Variants in ALG13 observed in about 807,000 individuals in gnomAD.
ALG13 encodes the protein ALG13 UDP-N-acetylglucosaminyltransferase subunit.
A neutral mutation model predicts 87.8 loss-of-function variants in ALG13; 11 were observed. The ratio of observed to expected loss-of-function variants is 0.13; its 90% CI spans 0.08 to 0.21. The LOEUF (loss-of-function observed/expected upper bound fraction) is 0.21, where lower values mean the gene tolerates loss of function less well. Ranked by LOEUF, ALG13 falls within the 10% of genes least tolerant of loss-of-function variation. The pLI, the probability that ALG13 is intolerant of heterozygous loss-of-function variation, is 1.00. For synonymous variants in ALG13, 320 were observed against 306.3 expected (o/e 1.04, Z -0.47); for missense variants, 756 against 866.1 (o/e 0.87, Z 1.60).
Position 111,728,172 on chromosome X carries a change from C to T in ALG13, c.2248-13C>T. The T allele has an allele frequency of 8.3e-7, 1 of 1,209,912 alleles. No individual in the cohort carries two copies. The highest frequency in any genetic ancestry group is 1.1e-6 in the Non-Finnish European group (1 of 894,333). ...AGTGAGAACTGCAGTGTGTGTGTGT[C>T]TCTCTGATACAGAATCATGGAGGTC... On this transcript the variant is annotated splice_polypyrimidine_tract_variant and intron_variant, in intron 18 of 26. Coordinates refer to ENST00000394780, the MANE Select transcript of ALG13 (RefSeq NM_001099922.3).
chrX:111,758,499 A>G (rs1945462864), intron 26 of ALG13, among the ~76,000 whole-genome samples: 1 of 112,341 alleles, frequency 8.9e-6, no homozygotes, highest in African/African-American at 3.2e-5. Flanking sequence ...CCTTCCCACC[A>G]ATTAAAACTC....
intron 21 of ALG13, among the ~76,000 whole-genome samples, chrX:111,733,667 T>C (rs1478475531): frequency 9.0e-6 from 1 of 111,507 alleles, no homozygotes; most frequent in Non-Finnish European, 1.9e-5. Context: ...GGAGTGGGAT[T>C]GCTGGATCAG....
intron 12 of ALG13, among the ~76,000 whole-genome samples, chrX:111,722,117 A>C (rs1471814283): frequency 8.9e-6 from 1 of 112,214 alleles, no homozygotes; most frequent in African/African-American, 3.2e-5. Context: ...TTTAATTCTT[A>C]AATGGCAGAA....
At chrX:111,720,256 C>A (rs1047709302) in intron 11 of ALG13, 86 bp downstream of exon 11, 9 of 613,037 alleles carry the variant, frequency 1.5e-5, no homozygotes, top group Admixed American at 7.9e-5. Context: ...ATATTATATT[C>A]TAGTTATATG....
chrX:111,728,119 TC>T, intron 18 of ALG13, 65 bp from the exon 19 acceptor site: 2 of 1,196,429 alleles, frequency 1.7e-6, no homozygotes, highest in Non-Finnish European at 2.3e-6. Context: ...TTTTAAAACA[TC>T]CCTCTAGCTT....
intron 21 of ALG13, 123 bp from the exon 22 acceptor site, chrX:111,734,928 G>A (rs1025633322): frequency 2.1e-6 from 1 of 473,171 alleles, no homozygotes; most frequent in African/African-American, 2.5e-5. Context: ...CTTTGTCTTA[G>A]GAGTCACTTC....
intron 3 of ALG13, among the ~76,000 whole-genome samples, chrX:111,693,454 C>T (rs1195187386): frequency 2.7e-5 from 3 of 109,459 alleles, no homozygotes; most frequent in East Asian, 5.8e-4. Flanking sequence ...CCATGTTGGC[C>T]AGGCTGGTCT....
intron 3 of ALG13, among the ~76,000 whole-genome samples, chrX:111,690,974 A>T (rs188345342): frequency 2.7e-5 from 3 of 111,839 alleles, no homozygotes; most frequent in Non-Finnish European, 5.6e-5. Context: ...AACACTTCAT[A>T]TAGTCTGAGA....
At chrX:111,712,406 A>G in intron 6 of ALG13, 78 bp from the exon 7 acceptor site, 1 of 621,752 alleles carries the variant, frequency 1.6e-6, no homozygotes, top group Admixed American at 3.1e-5. Flanking sequence ...CTAAGCAGCT[A>G]AAAATTTGTT....
intron 3 of ALG13, among the ~76,000 whole-genome samples, chrX:111,699,120 AT>A (rs1937386801): frequency 1.8e-5 from 2 of 111,629 alleles, no homozygotes; most frequent in South Asian, 3.7e-4. Flanking sequence ...GATGCTGAGC[AT>A]TTTTTCATGT....
intron 21 of ALG13, chrX:111,734,283 T>G (rs1034774760): frequency 3.5e-4 from 40 of 112,853 alleles, no homozygotes; most frequent in African/African-American, 1.2e-3. Flanking sequence ...TTTCCATGTC[T>G]AACACTCAAA....
chrX:111,757,829 G>C (rs1945407673), intron 26 of ALG13, 67 bp downstream of exon 26: 3 of 1,028,666 alleles, frequency 2.9e-6, no homozygotes, highest in Non-Finnish European at 4.0e-6. Flanking sequence ...TTCAATAATA[G>C]CTTTCATATA....
intron 2 of ALG13, 108 bp downstream of exon 2, chrX:111,682,402 G>T: frequency 1.7e-6 from 1 of 602,654 alleles, no homozygotes; most frequent in South Asian, 5.5e-5. Flanking sequence ...TGTTACAAAG[G>T]TAAACGTGTG....
intron 4 of ALG13, 34 bp from the exon 5 acceptor site, chrX:111,708,931 A>G (rs1359906836): frequency 2.0e-6 from 2 of 998,876 alleles, no homozygotes; most frequent in East Asian, 6.8e-5. Flanking sequence ...TTAAATGACT[A>G]CTGACAGTGG....
At position 111,757,622 on chromosome X, in the gene ALG13, A is replaced by G. The variant is rs201055779; in HGVS notation, c.3008A>G (p.Tyr1003Cys). 98 of 1,204,885 alleles carry G rather than the reference A, an allele frequency of 8.1e-5. No individual in the cohort carries two copies. Among genetic ancestry groups the G allele is most frequent in the East Asian group, 5.7e-4 (19 of 33,565 alleles). ...CACAGCTACTGGCACTCCATGGTCT[A>G]TGTGCCACAGATGCAGCAGCAGCTT... ...YYHSYWHSMVYVPQMQQQLHV... is the reference protein window; with the variant it reads ...YYHSYWHSMVCVPQMQQQLHV... Residue 1003 changes from tyrosine to cysteine, a missense_variant, in exon 26 of 27, where the codon TAT becomes TGT. Transcript: ENST00000394780.
chrX:111,744,762 A>ACCACCACCT lies in ALG13; in HGVS notation c.2793_2801dup (p.Pro943_Pro945dup). On this transcript the variant is annotated inframe_insertion, in exon 24 of 27. Transcript: ENST00000394780. ...CACCACCACCACCACCACCACCACCACCACCACCTCCTCCTCCTCCTCCTC... is the reference window on the plus strand; with the variant it reads ...CACCACCACCACCACCACCACCACCACCACCACCTCCACCACCTCCTCCTCCTCCTCCTC... 4.5e-6 allele frequency: 4 copies of ACCACCACCT among 884,121 alleles called. No individual in the cohort carries two copies. The highest frequency in any genetic ancestry group is 5.9e-6 in the Non-Finnish European group (4 of 678,370). The allele number at this position is 884,121 out of a possible 1,213,427, so 72.9% of individuals were successfully genotyped here. A position where few individuals can be genotyped will look rare whatever the true frequency, so the allele number is the denominator to read the frequency against.
chrX:111,694,589 A>G (rs1477247010), intron 3 of ALG13, among the ~76,000 whole-genome samples: 1 of 112,258 alleles, frequency 8.9e-6, no homozygotes, highest in African/African-American at 3.2e-5. Flanking sequence ...AGGCAATACA[A>G]TATGGTGTTT....
intron 22 of ALG13, among the ~76,000 whole-genome samples, chrX:111,735,485 C>A (rs1943144731): frequency 9.0e-6 from 1 of 111,121 alleles, no homozygotes; most frequent in Admixed American, 9.6e-5. Context: ...TAGCTGAAAC[C>A]ATAGGAGTAA....
chrX:111,685,147 C>T (rs763162251), intron 3 of ALG13, 44 bp downstream of exon 3: 3 of 1,169,016 alleles, frequency 2.6e-6, no homozygotes, highest in Non-Finnish European at 3.5e-6. Flanking sequence ...CTTAATTCGT[C>T]CCTTGCACTT....
Sources: allele counts gnomAD v4.1 joint callset (sites outside exome capture counted in the v4.1 genomes callset), GRCh38; gene constraint gnomAD v4.1.1; transcripts MANE v1.5; gene names NCBI Gene and HGNC (gene_info 2026-07-23, HGNC 2026-07-21).